The following NFIB variants were observed in gnomAD, a reference collection of about 807,000 sequenced individuals.
The protein encoded by NFIB is nuclear factor I B.
NFIB carries 11 observed loss-of-function variants against 61.5 expected under a neutral mutation model. The observed-to-expected ratio is 0.18, with a 90% confidence interval of 0.11 to 0.30. The LOEUF is 0.30. NFIB is among the 10% of genes least tolerant of loss of function. The pLI, the probability that NFIB is intolerant of heterozygous loss-of-function variation, is 1.00. For synonymous variants in NFIB, 260 were observed against 216.5 expected, an observed-to-expected ratio of 1.20 and a Z score of -1.76; for missense variants, 471 against 608.9, an observed-to-expected ratio of 0.77 and a Z score of 2.38.
chr9:14,514,425 T>G, the NFIB span, among the ~76,000 whole-genome samples: 1 of 152,098 alleles, frequency 6.6e-6, no homozygotes, highest in Non-Finnish European at 1.5e-5. Context: ...AAGAGCAAGA[T>G]GTTATGGAAT....
chr9:14,498,609 G>A, the NFIB span, among the ~76,000 whole-genome samples: 13 of 152,312 alleles, frequency 8.5e-5, no homozygotes, highest in South Asian at 1.0e-3. Context: ...CAGAGGAGCC[G>A]CGGCATAAAC....
In NFIB at chr9:14,084,568, C is replaced by G. The variant is rs2032541059; in HGVS notation, c.*3741G>C. ...TGCTCACGTCACTCCAGGGGTAACA[C>G]GCTTCAGAGGCACTGTGAGTGGTGG... is the stretch of plus-strand genomic sequence containing the variant. On this transcript the variant is annotated 3_prime_UTR_variant, in exon 11 of 11. Transcript: ENST00000380953. The G allele has an allele frequency of 4.4e-6, 1 of 227,732 alleles. No homozygotes were observed. Among genetic ancestry groups the G allele is most frequent in the Non-Finnish European group, 8.7e-6 (1 of 114,396 alleles). The allele number at this position is 227,732 out of a possible 1,614,324, so 14.1% of individuals were successfully genotyped here.
Position 14,125,525 on chromosome 9 carries a change from A to G in NFIB, c.1060+107T>C, listed in dbSNP as rs898999008. On this transcript the variant is annotated intron_variant, in intron 7 of 10. Coordinates refer to ENST00000380953, the MANE Select transcript of NFIB (RefSeq NM_001190737.2). ...TGTGCCCCTCACCATATGGGTTGAG[A>G]AAATATGGTTGCCATAGCTCTATTT... The G allele has an allele frequency of 2.1e-5, 30 of 1,455,462 alleles. 1 individual carries two copies. The South Asian group carries it at 3.6e-4, about 17-fold the overall frequency. The allele number at this position is 1,455,462 out of a possible 1,614,324, so 90.2% of individuals were successfully genotyped here. A position where few individuals can be genotyped will look rare whatever the true frequency, so the allele number is the denominator to read the frequency against.
intron 2 of NFIB, among the ~76,000 whole-genome samples, chr9:14,189,888 T>C (rs1426864659): frequency 1.3e-5 from 2 of 151,898 alleles, no homozygotes; most frequent in East Asian, 1.9e-4. Context: ...CTGCCAGTAA[T>C]ACCAATCATA....
intron 2 of NFIB, among the ~76,000 whole-genome samples, chr9:14,186,895 T>C (rs565600615): frequency 1.3e-5 from 2 of 152,102 alleles, no homozygotes; most frequent in Non-Finnish European, 2.9e-5. Context: ...TGTATTAAAA[T>C]AAGACAACGA....
At chr9:14,494,161 G>A in the NFIB span, among the ~76,000 whole-genome samples, 1 of 152,120 alleles carries the variant, frequency 6.6e-6, no homozygotes, top group African/African-American at 2.4e-5. Context: ...TAGGCAAGTG[G>A]TATTTGTCCA....
At chr9:14,186,447 C>T (rs2047342988) in intron 2 of NFIB, among the ~76,000 whole-genome samples, 1 of 151,876 alleles carries the variant, frequency 6.6e-6, no homozygotes. Context: ...TATAATAAAA[C>T]AGTATATTTT....
Position 14,313,606 on chromosome 9 carries a change from G to A in NFIB, c.-95C>T. The A allele has an allele frequency of 1.2e-6, 2 of 1,604,188 alleles. No individual in the cohort carries two copies. Among genetic ancestry groups the A allele is most frequent in the South Asian group, 1.1e-5 (1 of 90,138 alleles). ...TTCATTTTACAGTCATCTGAGCCCCGCGATGCGATCAATCAGGACGGGGCT... is the reference window on the plus strand; with the variant it reads ...TTCATTTTACAGTCATCTGAGCCCCACGATGCGATCAATCAGGACGGGGCT... On this transcript the variant is annotated 5_prime_UTR_variant, in exon 1 of 11. Coordinates refer to ENST00000380953, the MANE Select transcript of NFIB (RefSeq NM_001190737.2). The surrounding 1 kb of genome is among the most constrained non-coding windows in gnomAD (Gnocchi z 4.5).
chr9:14,479,230 C>A, the NFIB span, among the ~76,000 whole-genome samples: 56,015 of 152,058 alleles, frequency 0.37, 12,068 homozygotes, highest in African/African-American at 0.6. Context: ...CAGAAAAGCA[C>A]CCTTGTGGGG....
intron 2 of NFIB, among the ~76,000 whole-genome samples, chr9:14,225,954 T>C (rs943771304): frequency 3.3e-5 from 5 of 152,198 alleles, no homozygotes; most frequent in South Asian, 4.1e-4. Flanking sequence ...TGAAATATGA[T>C]TTAGAACAGT....
intron 1 of NFIB, among the ~76,000 whole-genome samples, chr9:14,327,650 A>G (rs972389235): frequency 6.6e-6 from 1 of 152,164 alleles, no homozygotes; most frequent in Admixed American, 6.5e-5. Flanking sequence ...GGTGTTTTGA[A>G]AACCTTCAAA....
chr9:14,269,610 C>T (rs927328291), intron 2 of NFIB, among the ~76,000 whole-genome samples: 4 of 152,182 alleles, frequency 2.6e-5, no homozygotes, highest in Non-Finnish European at 4.4e-5. Context: ...ACATATATGT[C>T]TGAACCTAAT....
intron 4 of NFIB, among the ~76,000 whole-genome samples, chr9:14,152,980 G>A (rs986304193): frequency 6.6e-6 from 1 of 151,960 alleles, no homozygotes; most frequent in African/African-American, 2.4e-5. Context: ...GGTGGCTACA[G>A]TTAACAACAA....
chr9:14,409,390 G>T, the NFIB span, among the ~76,000 whole-genome samples: 5 of 152,328 alleles, frequency 3.3e-5, no homozygotes, highest in African/African-American at 1.2e-4. Context: ...GATGAAGGGT[G>T]TTAGGAGCAG....
In NFIB at chr9:14,087,929, CTAT is replaced by C. The variant is rs1270776950; in HGVS notation, c.*377_*379del. 1 of 248,994 alleles carries C rather than the reference CTAT, an allele frequency of 4.0e-6. No homozygotes were observed. Among genetic ancestry groups the C allele is most frequent in the African/African-American group, 2.2e-5 (1 of 45,634 alleles). 15.4% of individuals were successfully genotyped at this position (248,994 alleles called of 1,614,324 possible). ...ATATATTGTCATAGAGACAGAACAT[CTAT>C]TTCCCAGCGGACTTCATGTAACAAA... On this transcript the variant is annotated 3_prime_UTR_variant, in exon 11 of 11. Coordinates refer to ENST00000380953, the MANE Select transcript of NFIB (RefSeq NM_001190737.2).
At chr9:14,129,851 T>C (rs2040189892) in intron 6 of NFIB, among the ~76,000 whole-genome samples, 1 of 152,146 alleles carries the variant, frequency 6.6e-6, no homozygotes, top group African/African-American at 2.4e-5. Context: ...AGTTGAATAA[T>C]ACATAAAATA....
chr9:14,319,612 C>G (rs1181177931), intron 1 of NFIB, among the ~76,000 whole-genome samples: 1 of 152,126 alleles, frequency 6.6e-6, no homozygotes, highest in East Asian at 1.9e-4. Context: ...GGTAAACTGG[C>G]TTCTATTACC....
At position 14,126,460 on chromosome 9, in the gene NFIB, G is replaced by A. The variant is rs897984969; in HGVS notation, c.926-694C>T. Among the ~76,000 whole-genome samples, 7 of 152,218 alleles carry A rather than the reference G, an allele frequency of 4.6e-5. No individual in the cohort carries two copies. The South Asian group carries it at 6.2e-4, about 14-fold the overall frequency. On this transcript the variant is annotated intron_variant, in intron 6 of 10. Coordinates refer to ENST00000380953, the MANE Select transcript of NFIB (RefSeq NM_001190737.2). ...CATTTGCTGCTACATCGCCAGCTGC[G>A]ATGTACAGGACAGATATCGTCTCAG...
chr9:14,196,655 A>G (rs2048502266), intron 2 of NFIB, among the ~76,000 whole-genome samples: 1 of 149,582 alleles, frequency 6.7e-6, no homozygotes, highest in Admixed American at 6.7e-5. Flanking sequence ...AAAGATTAGT[A>G]GTAATTTTAC....
Sources: allele counts gnomAD v4.1 joint callset (sites outside exome capture counted in the v4.1 genomes callset), GRCh38; gene constraint gnomAD v4.1.1; non-coding constraint Gnocchi (gnomAD v3.1); transcripts MANE v1.5; gene names NCBI Gene and HGNC (gene_info 2026-07-23, HGNC 2026-07-21).